The following CDH13 variants were observed in gnomAD, a reference collection of about 807,000 sequenced individuals.
CDH13 encodes the protein cadherin-13.
In CDH13, 24 loss-of-function variants were observed where a neutral mutation model predicts 63.8. The observed-to-expected ratio is 0.38, with a 90% CI of 0.27 to 0.53. The LOEUF is 0.53. CDH13 is among the 20% of genes least tolerant of loss of function. The pLI is 0.85. For missense variants in CDH13, 1,049 were observed against 903.1 expected, an observed-to-expected ratio of 1.16 and a Z score of -2.07; for synonymous variants, 503 against 355.3, an observed-to-expected ratio of 1.42 and a Z score of -4.67.
intron 11 of CDH13, among the ~76,000 whole-genome samples, chr16:83,756,455 C>T (rs1913513852): frequency 6.6e-6 from 1 of 152,192 alleles, no homozygotes; most frequent in African/African-American, 2.4e-5. Flanking sequence ...CAAGCTTGTC[C>T]AACCCACAGC....
Position 83,021,173 on chromosome 16 carries a change from C to A in CDH13, c.158-10837C>A, listed in dbSNP as rs189752782. Among the ~76,000 whole-genome samples the A allele has an allele frequency of 9.2e-5, 14 of 152,298 alleles. No homozygotes were observed. The East Asian group carries it at 2.7e-3, about 29-fold the overall frequency. On this transcript the variant is annotated intron_variant, in intron 2 of 13. Coordinates refer to ENST00000567109, the MANE Select transcript of CDH13 (RefSeq NM_001257.5). ...GACTTTCAAATCCACTTACTCAAAT[C>A]TTCACTTGAGTTGATGCCATCATTC... is the stretch of plus-strand genomic sequence containing the variant.
At chr16:82,936,948 G>C (rs754854337) in intron 2 of CDH13, among the ~76,000 whole-genome samples, 1 of 152,040 alleles carries the variant, frequency 6.6e-6, no homozygotes, top group Non-Finnish European at 1.5e-5. Context: ...CCTTTATCAG[G>C]GCCTCTGGGG....
At chr16:83,060,335 C>G (rs1053413848) in intron 3 of CDH13, among the ~76,000 whole-genome samples, 10 of 152,254 alleles carry the variant, frequency 6.6e-5, no homozygotes, top group Non-Finnish European at 1.5e-4. Context: ...ATGCGTAGGT[C>G]TCCATTCTTA....
At chr16:83,070,728 G>A (rs1181483635) in intron 3 of CDH13, among the ~76,000 whole-genome samples, 1 of 152,058 alleles carries the variant, frequency 6.6e-6, no homozygotes, top group African/African-American at 2.4e-5. Flanking sequence ...ATCTGTGAGG[G>A]ATTGTAAATC....
At position 83,510,334 on chromosome 16, in the gene CDH13, G is replaced by A. The variant is rs532644130; in HGVS notation, c.960+23679G>A. On this transcript the variant is annotated intron_variant, in intron 7 of 13. Transcript: ENST00000567109. Reference sequence around the variant, plus strand: ...AATATGAATTTAGATGACATTTTGAGAAAACTGATAAACACCACCATTCCA... The same window carrying A: ...AATATGAATTTAGATGACATTTTGAAAAAACTGATAAACACCACCATTCCA... Among the ~76,000 whole-genome samples, 4 of 152,258 alleles carry A rather than the reference G, an allele frequency of 2.6e-5. No homozygotes were observed. In the South Asian group the frequency reaches 6.2e-4, roughly 24 times the overall value.
chr16:83,293,718 G>A (rs1474819295), intron 5 of CDH13, among the ~76,000 whole-genome samples: 1 of 152,148 alleles, frequency 6.6e-6, no homozygotes, highest in Non-Finnish European at 1.5e-5. Context: ...TTCAGAGCAG[G>A]TGTGGGAAAA....
intron 5 of CDH13, among the ~76,000 whole-genome samples, chr16:83,341,025 C>G (rs1044417287): frequency 6.6e-6 from 1 of 152,096 alleles, no homozygotes; most frequent in Admixed American, 6.6e-5. Flanking sequence ...ATTTCATTGC[C>G]TTCTGCCATG....
At chr16:82,838,523 AC>A (rs2038868970) in intron 1 of CDH13, among the ~76,000 whole-genome samples, 1 of 152,228 alleles carries the variant, frequency 6.6e-6, no homozygotes, top group Admixed American at 6.5e-5. Context: ...TGCTGAACTT[AC>A]AGGGAAATTC....
At chr16:83,236,993 G>A (rs1473147845) in intron 5 of CDH13, among the ~76,000 whole-genome samples, 1 of 152,092 alleles carries the variant, frequency 6.6e-6, no homozygotes, top group African/African-American at 2.4e-5. Flanking sequence ...AAAGAGGTAA[G>A]GGAGGCCAGA....
chr16:83,768,164 T>A, intron 11 of CDH13, among the ~76,000 whole-genome samples: 1 of 152,198 alleles, frequency 6.6e-6, no homozygotes, highest in Non-Finnish European at 1.5e-5. Flanking sequence ...TTTTCTCTAA[T>A]CATATGTAGA....
intron 2 of CDH13, among the ~76,000 whole-genome samples, chr16:82,986,123 A>G (rs1019400402): frequency 1.3e-5 from 2 of 152,246 alleles, no homozygotes; most frequent in African/African-American, 2.4e-5. Flanking sequence ...CACTTATTGT[A>G]GAGATGTTGT....
Position 83,380,894 on chromosome 16 carries a change from C to T in CDH13, c.781+35888C>T, listed in dbSNP as rs1390463090. On this transcript the variant is annotated intron_variant, in intron 6 of 13. Coordinates refer to ENST00000567109, the MANE Select transcript of CDH13 (RefSeq NM_001257.5). Reference sequence around the variant, plus strand: ...AGAGTGTATATTAGGAAGTAACTAGCAGCCCTGCCACAAAAATGCCCTCAT... The same window carrying T: ...AGAGTGTATATTAGGAAGTAACTAGTAGCCCTGCCACAAAAATGCCCTCAT... 5.9e-5 allele frequency among the ~76,000 whole-genome samples: 9 copies of T among 151,282 alleles called. No homozygotes were observed. The South Asian group carries it at 1.1e-3, about 18-fold the overall frequency.
chr16:83,105,037 A>G (rs2034696407), intron 3 of CDH13, among the ~76,000 whole-genome samples: 1 of 152,068 alleles, frequency 6.6e-6, no homozygotes, highest in Non-Finnish European at 1.5e-5. Context: ...TCCGGGGTAC[A>G]CGCACAGGAT....
Position 83,798,518 on chromosome 16 carries a change from TCA to T in CDH13, c.*3491_*3492del, listed in dbSNP as rs1904294668. On this transcript the variant is annotated 3_prime_UTR_variant, in exon 14 of 14. Transcript: ENST00000567109. ...GACAAGCACTACTATCTTCTCCAAC[TCA>T]CAGATAAAGAAGGCTGAGGCTCAGA... 6.6e-6 allele frequency: 1 copy of T among 152,198 alleles called. No homozygotes were observed. The highest frequency in any genetic ancestry group is 1.5e-5 in the Non-Finnish European group (1 of 68,054). 9.4% of individuals were successfully genotyped at this position (152,198 alleles called of 1,614,324 possible).
chr16:82,838,398 T>A (rs947465111), intron 1 of CDH13, among the ~76,000 whole-genome samples: 15 of 152,182 alleles, frequency 9.9e-5, no homozygotes, highest in African/African-American at 3.6e-4. Context: ...TCATGGATAT[T>A]GGGAATTACT....
chr16:83,475,071 C>T (rs1421655845), intron 6 of CDH13, among the ~76,000 whole-genome samples: 1 of 152,206 alleles, frequency 6.6e-6, no homozygotes. Context: ...CGACTGGCTG[C>T]GTGATTTGCA....
chr16:82,845,657 A>C (rs1164312904), intron 1 of CDH13, among the ~76,000 whole-genome samples: 1 of 152,100 alleles, frequency 6.6e-6, no homozygotes, highest in African/African-American at 2.4e-5. Flanking sequence ...TTCTCATTTG[A>C]ACTCCCTGAG....
At chr16:83,299,459 C>T (rs942456252) in intron 5 of CDH13, among the ~76,000 whole-genome samples, 2 of 152,204 alleles carry the variant, frequency 1.3e-5, no homozygotes, top group African/African-American at 4.8e-5. Context: ...CTAGGAACCA[C>T]CATTCTTCCC....
At chr16:82,794,506 A>G (rs990633204) in intron 1 of CDH13, among the ~76,000 whole-genome samples, 1 of 151,564 alleles carries the variant, frequency 6.6e-6, no homozygotes, top group East Asian at 1.9e-4. Flanking sequence ...AACGGCTAGG[A>G]ATAGCTGATA....
Sources: gnomAD v4.1 joint callset for allele counts (sites outside exome capture counted in the v4.1 genomes callset) on GRCh38, gnomAD v4.1.1 for gene constraint, MANE v1.5 for transcripts, NCBI Gene and HGNC (gene_info 2026-07-23, HGNC 2026-07-21) for gene names.